The following TGFA variants were observed in gnomAD, a reference collection of about 807,000 sequenced individuals.
The protein encoded by TGFA is protransforming growth factor alpha.
A neutral mutation model predicts 21.7 loss-of-function variants in TGFA; 12 were observed. The ratio of observed to expected loss-of-function variants is 0.55; its 90% CI spans 0.35 to 0.90. The LOEUF is 0.90. Among genes scored for constraint, TGFA ranks in the 40% least tolerant of loss-of-function variants. The pLI is 0.01. For missense variants in TGFA, 178 were observed against 210.8 expected (o/e 0.84, Z 0.96); for synonymous variants, 79 against 88.1 (o/e 0.90, Z 0.58).
At chr2:70,466,741 G>A (rs1419280917) in intron 2 of TGFA, among the ~76,000 whole-genome samples, 1 of 152,092 alleles carries the variant, frequency 6.6e-6, no homozygotes, top group African/African-American at 2.4e-5. Context: ...GCGTCTGTTC[G>A]TGGCAGGCCT....
At chr2:70,460,230 G>C (rs1670368498) in intron 3 of TGFA, among the ~76,000 whole-genome samples, 1 of 152,154 alleles carries the variant, frequency 6.6e-6, no homozygotes, top group African/African-American at 2.4e-5. Flanking sequence ...ATCTCTGGGA[G>C]TCAGTCCTGG....
rs1010509484 is a variant in TGFA at position 70,464,156 on chromosome 2, C to T, written c.215+1460G>A. Among the ~76,000 whole-genome samples the T allele has an allele frequency of 2.0e-5, 3 of 152,352 alleles. No individual in the cohort carries two copies. In the South Asian group the frequency reaches 6.2e-4, roughly 32 times the overall value. ...GCAGCAGGCTCTCCTGGTCCCCAGG[C>T]TCCTGGGCTGATGCATCTGATGGCC... On this transcript the variant is annotated intron_variant, in intron 3 of 5. Coordinates refer to ENST00000295400, the MANE Select transcript of TGFA (RefSeq NM_003236.4).
intron 4 of TGFA, among the ~76,000 whole-genome samples, chr2:70,454,329 C>T (rs895025525): frequency 6.6e-6 from 1 of 152,178 alleles, no homozygotes; most frequent in Non-Finnish European, 1.5e-5. Context: ...GTTACTGGAG[C>T]CCCTGAATCT....
At chr2:70,482,043 C>T (rs1553495658) in intron 2 of TGFA, among the ~76,000 whole-genome samples, 1 of 152,040 alleles carries the variant, frequency 6.6e-6, no homozygotes, top group African/African-American at 2.4e-5. Flanking sequence ...ATAACATACA[C>T]TTTGAGTTTC....
chr2:70,533,577 C>T (rs992707495), intron 1 of TGFA, among the ~76,000 whole-genome samples: 6 of 152,212 alleles, frequency 3.9e-5, no homozygotes, highest in African/African-American at 1.4e-4. Context: ...CTTCTGAAAA[C>T]ATCAACTCTT....
intron 1 of TGFA, among the ~76,000 whole-genome samples, chr2:70,525,722 C>T (rs1437585079): frequency 5.3e-5 from 8 of 152,018 alleles, no homozygotes; most frequent in African/African-American, 1.2e-4. Flanking sequence ...CAGATTTACT[C>T]CCTTTCACTG....
intron 1 of TGFA, 44 bp from the exon 2 acceptor site, chr2:70,514,956 G>T (rs782279806): frequency 5.0e-6 from 8 of 1,590,334 alleles, no homozygotes; most frequent in Non-Finnish European, 6.9e-6. Context: ...AGTCTGCTTG[G>T]CAAATGATGT....
chr2:70,476,564 G>T (rs893074447), intron 2 of TGFA, among the ~76,000 whole-genome samples: 1 of 152,204 alleles, frequency 6.6e-6, no homozygotes, highest in Non-Finnish European at 1.5e-5. Flanking sequence ...AGGAAAAAAT[G>T]CTTCCTCTTG....
At chr2:70,451,334 A>C (rs1263204135) in intron 5 of TGFA, among the ~76,000 whole-genome samples, 1 of 152,218 alleles carries the variant, frequency 6.6e-6, no homozygotes, top group Non-Finnish European at 1.5e-5. Flanking sequence ...GTGAGGCAGC[A>C]TGGACCGTCC....
chr2:70,504,694 A>G (rs1671868254), intron 2 of TGFA, among the ~76,000 whole-genome samples: 1 of 152,046 alleles, frequency 6.6e-6, no homozygotes. Context: ...GAAGGGTTAA[A>G]AACCCAAGAA....
In TGFA at chr2:70,447,614, TAAG is replaced by T. The variant is rs782496444; in HGVS notation, c.*3242_*3244del. 2.6e-5 allele frequency: 4 copies of T among 152,612 alleles called. No individual in the cohort carries two copies. The highest frequency in any genetic ancestry group is 4.8e-5 in the African/African-American group (2 of 41,452). The allele number at this position is 152,612 out of a possible 1,614,324, so 9.5% of individuals were successfully genotyped here. ...GACCATTTTAGTAAATTATTAAGAC[TAAG>T]AAGAGGAGTTGCTTTTTCAGTACTC... is the stretch of plus-strand genomic sequence containing the variant. On this transcript the variant is annotated 3_prime_UTR_variant, in exon 6 of 6. Transcript: ENST00000295400.
chr2:70,495,485 G>A (rs1016543937), intron 2 of TGFA, among the ~76,000 whole-genome samples: 1 of 152,196 alleles, frequency 6.6e-6, no homozygotes, highest in Non-Finnish European at 1.5e-5. Context: ...GGTTTCTAAA[G>A]TAATAATGGG....
intron 2 of TGFA, among the ~76,000 whole-genome samples, chr2:70,473,576 G>C (rs1448986134): frequency 6.6e-6 from 1 of 151,860 alleles, no homozygotes; most frequent in Non-Finnish European, 1.5e-5. Context: ...AATGAGCAGC[G>C]GATGTCAGCA....
intron 3 of TGFA, among the ~76,000 whole-genome samples, chr2:70,464,485 C>T (rs149390869): frequency 1.3e-5 from 2 of 152,292 alleles, no homozygotes; most frequent in East Asian, 3.9e-4. Flanking sequence ...CTGCAGAGGA[C>T]ATTTGACAAT....
intron 3 of TGFA, among the ~76,000 whole-genome samples, chr2:70,464,313 C>T (rs868992161): frequency 6.6e-6 from 1 of 152,214 alleles, no homozygotes; most frequent in Non-Finnish European, 1.5e-5. Context: ...AGTTAGCACA[C>T]GGATTGTACT....
At chr2:70,463,986 C>T (rs1020661851) in intron 3 of TGFA, among the ~76,000 whole-genome samples, 3 of 152,164 alleles carry the variant, frequency 2.0e-5, no homozygotes, top group Non-Finnish European at 4.4e-5. Context: ...AGTTTCTTAG[C>T]CCTGCGGTGT....
Position 70,479,349 on chromosome 2 carries a change from C to T in TGFA, c.95-13613G>A, listed in dbSNP as rs1462400730. ...ACAACTTGGGTCATGAGCTTTGGAC[C>T]CCATAGGCCTCCCACCACTGACTTC... On this transcript the variant is annotated intron_variant, in intron 2 of 5. Transcript: ENST00000295400. 2.6e-5 allele frequency among the ~76,000 whole-genome samples: 4 copies of T among 152,224 alleles called. No homozygotes were observed. The South Asian group carries it at 8.3e-4, about 32-fold the overall frequency.
At chr2:70,511,615 T>C (rs1307570211) in intron 2 of TGFA, among the ~76,000 whole-genome samples, 1 of 152,226 alleles carries the variant, frequency 6.6e-6, no homozygotes, top group Non-Finnish European at 1.5e-5. Context: ...GCCTTTCTGG[T>C]GCAGTAATGG....
intron 1 of TGFA, among the ~76,000 whole-genome samples, chr2:70,546,178 CT>C (rs1196403574): frequency 3.3e-5 from 5 of 152,128 alleles, no homozygotes; most frequent in African/African-American, 1.2e-4. Context: ...TGTTGTATTA[CT>C]TCTTTGACTT....
Sources: allele counts gnomAD v4.1 joint callset (sites outside exome capture counted in the v4.1 genomes callset), GRCh38; gene constraint gnomAD v4.1.1; transcripts MANE v1.5; gene names NCBI Gene and HGNC (gene_info 2026-07-23, HGNC 2026-07-21).